EFCAB5: variants seen among roughly 807,000 people sequenced by gnomAD.
EFCAB5 encodes EF-hand calcium-binding domain-containing protein 5.
EFCAB5 carries 131 observed loss-of-function variants against 167.9 expected under a neutral mutation model. The observed-to-expected ratio is 0.78, with a 90% confidence interval of 0.68 to 0.90. The LOEUF (loss-of-function observed/expected upper bound fraction) is 0.90, where lower values mean the gene tolerates loss of function less well. Among genes scored for constraint, EFCAB5 ranks in the 40% least tolerant of loss-of-function variants. The pLI is 0.00. For missense variants in EFCAB5, 1,663 were observed against 1,745.2 expected (o/e 0.95, Z 0.84); for synonymous variants, 574 against 602.8 (o/e 0.95, Z 0.70).
chr17:30,072,383 T>A (rs1335879836), intron 14 of EFCAB5, among the ~76,000 whole-genome samples: 1 of 152,196 alleles, frequency 6.6e-6, no homozygotes, highest in Non-Finnish European at 1.5e-5. Flanking sequence ...TGATACTTTT[T>A]GTCACAAAGT....
At chr17:30,066,874 A>G (rs1284282826) in intron 14 of EFCAB5, among the ~76,000 whole-genome samples, 1 of 152,234 alleles carries the variant, frequency 6.6e-6, no homozygotes, top group East Asian at 1.9e-4. Flanking sequence ...ATTAGTGACT[A>G]TTACAAACTA....
chr17:29,938,284 A>AT (rs1330165570), upstream of EFCAB5, among the ~76,000 whole-genome samples: 5 of 149,150 alleles, frequency 3.4e-5, no homozygotes, highest in Admixed American at 6.9e-5. Context: ...AAAAATGTGC[A>AT]TATCTTAATT....
Position 30,090,437 on chromosome 17 carries a change from T to C in EFCAB5, c.3700T>C (p.Cys1234Arg), listed in dbSNP as rs760607082. ...TGATTTCAGAGATTTCCTCTTTAAA[T>C]GTACTGACAGTTCAGAAGTTGTTCT... ...SCIFRDFLFK[C>R]TDSSEVVLAS... The change falls in exon 20 of 23, where the codon TGT (cysteine) becomes CGT (arginine). Residue 1234 changes from cysteine to arginine, a missense_variant. Coordinates refer to ENST00000394835, the MANE Select transcript of EFCAB5 (RefSeq NM_198529.4). 9 of 1,612,866 alleles carry C rather than the reference T, an allele frequency of 5.6e-6. No individual in the cohort carries two copies. In the South Asian group the frequency reaches 8.8e-5, roughly 16 times the overall value.
At chr17:30,068,985 CA>C in intron 14 of EFCAB5, 1 of 1,451,924 alleles carries the variant, frequency 6.9e-7, no homozygotes, top group East Asian at 2.3e-5. Context: ...CAGAAGCTCA[CA>C]AGGAGATACA....
chr17:29,974,800 A>G (rs1037923701), intron 4 of EFCAB5, among the ~76,000 whole-genome samples: 8 of 152,196 alleles, frequency 5.3e-5, no homozygotes. Context: ...ATGAGAGAGC[A>G]TGGCTGTGTT....
At chr17:29,949,104 T>A (rs1014189045) in intron 3 of EFCAB5, among the ~76,000 whole-genome samples, 7 of 152,326 alleles carry the variant, frequency 4.6e-5, no homozygotes, top group African/African-American at 1.7e-4. Flanking sequence ...TAATGTTATA[T>A]GCCTCCTTGT....
intron 7 of EFCAB5, among the ~76,000 whole-genome samples, chr17:30,005,694 A>AT (rs1190063672): frequency 2.0e-5 from 3 of 152,176 alleles, no homozygotes; most frequent in African/African-American, 7.2e-5. Context: ...CTGCCTCATT[A>AT]TATCTCCTCC....
At chr17:29,936,171 C>G (rs925583781) in intron 1 of EFCAB5, among the ~76,000 whole-genome samples, 1 of 152,030 alleles carries the variant, frequency 6.6e-6, no homozygotes, top group East Asian at 1.9e-4. Context: ...ATGGATGAAG[C>G]TGGAAACCAT....
intron 22 of EFCAB5, among the ~76,000 whole-genome samples, chr17:30,098,109 A>G (rs1003586400): frequency 6.6e-6 from 1 of 151,616 alleles, no homozygotes; most frequent in South Asian, 2.1e-4. Flanking sequence ...TAATTTTTTT[A>G]TTTTTTGTAG....
intron 14 of EFCAB5, among the ~76,000 whole-genome samples, chr17:30,075,949 T>C (rs1385527365): frequency 6.6e-6 from 1 of 152,196 alleles, no homozygotes; most frequent in Non-Finnish European, 1.5e-5. Flanking sequence ...TTTAATCTAA[T>C]TGAGGATTGT....
At chr17:30,106,468 A>T (rs879267165) in intron 22 of EFCAB5, among the ~76,000 whole-genome samples, 15 of 151,730 alleles carry the variant, frequency 9.9e-5, no homozygotes, top group Non-Finnish European at 1.3e-4. Flanking sequence ...TATTATTATT[A>T]TTTTTTGAAA....
At position 29,993,922 on chromosome 17, in the gene EFCAB5, C is replaced by A. The variant is rs1327245236; in HGVS notation, c.924+601C>A. Among the ~76,000 whole-genome samples the A allele has an allele frequency of 2.0e-5, 3 of 151,016 alleles. No homozygotes were observed. The East Asian group carries it at 5.8e-4, about 29-fold the overall frequency. Reference sequence around the variant, plus strand: ...TTGCTTGAGGCCAGGAATTCGAGACCAGCCTAGGCAATATAGGGAGACCCT... The same window carrying A: ...TTGCTTGAGGCCAGGAATTCGAGACAAGCCTAGGCAATATAGGGAGACCCT... On this transcript the variant is annotated intron_variant, in intron 5 of 22. Transcript: ENST00000394835.
Position 29,976,610 on chromosome 17 carries a change from A to G in EFCAB5, c.767+7243A>G, listed in dbSNP as rs1479123274. On this transcript the variant is annotated intron_variant, in intron 4 of 22. Transcript: ENST00000394835. Reference sequence around the variant, plus strand: ...GTCCTGCTTTGAAATTCTCAGAACTATACCATTGTTTGTGTTACCTTCAAT... The same window carrying G: ...GTCCTGCTTTGAAATTCTCAGAACTGTACCATTGTTTGTGTTACCTTCAAT... Among the ~76,000 whole-genome samples, 3 of 152,192 alleles carry G rather than the reference A, an allele frequency of 2.0e-5. No individual in the cohort carries two copies. In the East Asian group the frequency reaches 5.8e-4, roughly 29 times the overall value.
intron 7 of EFCAB5, among the ~76,000 whole-genome samples, chr17:30,033,496 C>G (rs2069536645): frequency 6.6e-6 from 1 of 152,192 alleles, no homozygotes; most frequent in African/African-American, 2.4e-5. Context: ...TCGTTCCTGA[C>G]CTATCAAATT....
At chr17:30,003,513 G>T (rs1177905264) in intron 7 of EFCAB5, among the ~76,000 whole-genome samples, 1 of 151,042 alleles carries the variant, frequency 6.6e-6, no homozygotes, top group Admixed American at 6.6e-5. Context: ...GATTATAGGC[G>T]TGAGCCACTG....
chr17:30,028,750 A>C (rs1222609624), intron 7 of EFCAB5, among the ~76,000 whole-genome samples: 1 of 152,190 alleles, frequency 6.6e-6, no homozygotes, highest in Non-Finnish European at 1.5e-5. Context: ...GAAGGCTGAG[A>C]CAAGGTGTTG....
At chr17:29,953,417 C>T (rs1193058441) in intron 3 of EFCAB5, among the ~76,000 whole-genome samples, 5 of 152,134 alleles carry the variant, frequency 3.3e-5, no homozygotes, top group Admixed American at 2.0e-4. Flanking sequence ...GTAATTGAAT[C>T]GTGGGGAGCA....
chr17:29,973,678 A>G (rs550523134), intron 4 of EFCAB5, among the ~76,000 whole-genome samples: 45 of 151,036 alleles, frequency 3.0e-4, no homozygotes, highest in Middle Eastern at 6.8e-3. Context: ...GGGTTTCACC[A>G]TATTGGCCAG....
intron 7 of EFCAB5, among the ~76,000 whole-genome samples, chr17:30,014,427 G>T (rs907200255): frequency 6.6e-6 from 1 of 152,088 alleles, no homozygotes; most frequent in Non-Finnish European, 1.5e-5. Context: ...ATTATTGTGT[G>T]GGAGTCTAAG....
Sources: allele counts gnomAD v4.1 joint callset (sites outside exome capture counted in the v4.1 genomes callset), GRCh38; gene constraint gnomAD v4.1.1; transcripts MANE v1.5; gene names NCBI Gene and HGNC (gene_info 2026-07-23, HGNC 2026-07-21).